Variants in CSMD1 observed in about 807,000 individuals in gnomAD.
CSMD1 encodes the protein CUB and sushi domain-containing protein 1.
CSMD1 carries 213 observed loss-of-function variants against 417.5 expected under a neutral mutation model. That is an observed-to-expected ratio of 0.51 (90% CI 0.46 to 0.57). The LOEUF (loss-of-function observed/expected upper bound fraction) is 0.57, where lower values mean the gene tolerates loss of function less well. CSMD1 is among the 20% of genes least tolerant of loss of function. The probability of loss-of-function intolerance (pLI) is 0.00; values close to 1 mark genes in which losing one functional copy is unlikely to be tolerated. For missense variants in CSMD1, 6,923 were observed against 4,529.7 expected (o/e 1.53, Z -15.17); for synonymous variants, 2,862 against 1,736.8 (o/e 1.65, Z -16.11).
Position 3,520,020 on chromosome 8 carries a change from C to CTATATATATATATATA in CSMD1, c.1345-26310_1345-26295dup, listed in dbSNP as rs33939239. ...TATATATGTGTGTGTGTGTATATAC[C>CTATATATATATATATA]TATATATATATATATATATACACGT... is the stretch of plus-strand genomic sequence containing the variant. On this transcript the variant is annotated intron_variant, in intron 10 of 69. Coordinates refer to ENST00000635120, the MANE Select transcript of CSMD1 (RefSeq NM_033225.6). Among the ~76,000 whole-genome samples, 382 of 137,494 alleles carry CTATATATATATATATA rather than the reference C, an allele frequency of 2.8e-3. 1 individual carries two copies. Among genetic ancestry groups the CTATATATATATATATA allele is most frequent in the African/African-American group, 0.011 (357 of 33,782 alleles). The allele number at this position is 137,494 out of a possible 152,430, so 90.2% of individuals were successfully genotyped here.
intron 7 of CSMD1, among the ~76,000 whole-genome samples, chr8:3,650,447 C>T (rs1229131751): frequency 6.6e-6 from 1 of 152,118 alleles, no homozygotes; most frequent in Non-Finnish European, 1.5e-5. Flanking sequence ...TAGGAAAACT[C>T]ATCGAAGAAC....
chr8:4,442,665 G>T (rs923415448), intron 2 of CSMD1, among the ~76,000 whole-genome samples: 1 of 152,102 alleles, frequency 6.6e-6, no homozygotes, highest in South Asian at 2.1e-4. Flanking sequence ...AAACTTCATT[G>T]ACTTTCCCTT....
intron 3 of CSMD1, among the ~76,000 whole-genome samples, chr8:4,202,372 C>G (rs1291777700): frequency 6.6e-6 from 1 of 152,150 alleles, no homozygotes; most frequent in African/African-American, 2.4e-5. Context: ...ATTCTGCACA[C>G]TTTTTTCTTC....
In CSMD1 at chr8:4,103,554, C is replaced by G. The variant is rs553495050; in HGVS notation, c.416-71455G>C. Among the ~76,000 whole-genome samples, 286 of 151,960 alleles carry G rather than the reference C, an allele frequency of 1.9e-3. 1 individual carries two copies. The highest frequency in any genetic ancestry group is 6.6e-3 in the African/African-American group (274 of 41,488). On this transcript the variant is annotated intron_variant, in intron 3 of 69. Coordinates refer to ENST00000635120, the MANE Select transcript of CSMD1 (RefSeq NM_033225.6). The stretch of plus-strand genomic sequence containing the variant: ...TACACACATGTAAAACTGACTGCAT[C>G]AAAGTTTGATACGATGGATACAAAA...
rs200303143 is a variant in CSMD1 at position 3,204,412 on chromosome 8, AT to A, written c.4984+1091del. On this transcript the variant is annotated intron_variant, in intron 31 of 69. Transcript: ENST00000635120. ...GAGCATTTAGGTAAAAAAAAAAAAA[AT>A]TATTTCATTCAAATTCAGAATTAAG... Among the ~76,000 whole-genome samples, 1,028 of 148,948 alleles carry A rather than the reference AT, an allele frequency of 6.9e-3. 5 individuals are homozygous for A. Among genetic ancestry groups the A allele is most frequent in the South Asian group, 0.025 (116 of 4,674 alleles).
chr8:3,391,040 C>G (rs945236427), intron 17 of CSMD1, among the ~76,000 whole-genome samples: 2 of 152,194 alleles, frequency 1.3e-5, no homozygotes, highest in South Asian at 4.1e-4. Flanking sequence ...CTCATGTATG[C>G]ATCCATGCGT....
intron 36 of CSMD1, among the ~76,000 whole-genome samples, chr8:3,185,546 CTT>C (rs1040657002): frequency 1.5e-4 from 23 of 152,300 alleles, no homozygotes; most frequent in Admixed American, 1.3e-3. Context: ...TTAATACTCT[CTT>C]TTGAAAAATT....
In CSMD1 at chr8:4,143,003, A is replaced by AAAT. The variant is rs34949025; in HGVS notation, c.416-110905_416-110904insATT. On this transcript the variant is annotated intron_variant, in intron 3 of 69. Transcript: ENST00000635120. The stretch of plus-strand genomic sequence containing the variant: ...TTTCAAACTGATTGAAAAAAAAAAA[A>AAAT]TGCTCTCCATTTAGGAACTAGTGTC... 1.2e-3 allele frequency among the ~76,000 whole-genome samples: 174 copies of AAAT among 150,046 alleles called. 11 individuals carry two copies. Among genetic ancestry groups the AAAT allele is most frequent in the Middle Eastern group, 3.4e-3 (1 of 294 alleles).
intron 3 of CSMD1, among the ~76,000 whole-genome samples, chr8:4,052,753 TA>T (rs140798090): frequency 0.043 from 6,463 of 151,218 alleles, 426 homozygotes; most frequent in African/African-American, 0.14. Flanking sequence ...GAACAAGTTT[TA>T]AAAAAAAATG....
chr8:2,987,444 T>C (rs1260875844), intron 54 of CSMD1, among the ~76,000 whole-genome samples: 2 of 148,584 alleles, frequency 1.3e-5, no homozygotes, highest in African/African-American at 2.4e-5. Context: ...ATAAGAAATA[T>C]ATAAAGAAGT....
At chr8:4,185,639 A>G (rs1584980908) in intron 3 of CSMD1, among the ~76,000 whole-genome samples, 1 of 152,224 alleles carries the variant, frequency 6.6e-6, no homozygotes, top group East Asian at 1.9e-4. Flanking sequence ...TAGCTAATGT[A>G]AAAAGTGACA....
intron 1 of CSMD1, among the ~76,000 whole-genome samples, chr8:4,763,841 G>C (rs112080833): frequency 0.01 from 1,550 of 152,208 alleles, 29 homozygotes; most frequent in African/African-American, 0.036. Flanking sequence ...ATTTCCATTT[G>C]AAATATTTTC....
chr8:4,217,180 C>T (rs928853483), intron 3 of CSMD1, among the ~76,000 whole-genome samples: 2 of 152,180 alleles, frequency 1.3e-5, no homozygotes, highest in African/African-American at 4.8e-5. Flanking sequence ...TTTCATGCCG[C>T]TGCTTATCAT....
In CSMD1 at chr8:3,455,990, C is replaced by T. The variant is rs548731955; in HGVS notation, c.1561+12722G>A. On this transcript the variant is annotated intron_variant, in intron 12 of 69. Transcript: ENST00000635120. Reference sequence around the variant, plus strand: ...CGAGCTTCCGGGCTGCTTTGTTTACCTACTCAAGCCTGGGCAATGGTGGGT... The same window carrying T: ...CGAGCTTCCGGGCTGCTTTGTTTACTTACTCAAGCCTGGGCAATGGTGGGT... Among the ~76,000 whole-genome samples, 10 of 152,306 alleles carry T rather than the reference C, an allele frequency of 6.6e-5. No homozygotes were observed. The East Asian group carries it at 1.9e-3, about 30-fold the overall frequency.
chr8:4,073,773 C>G (rs897295245), intron 3 of CSMD1, among the ~76,000 whole-genome samples: 1 of 151,986 alleles, frequency 6.6e-6, no homozygotes, highest in Non-Finnish European at 1.5e-5. Context: ...AAAATGAACC[C>G]AAATACAAAA....
chr8:4,987,703 T>A (rs1811253672), intron 1 of CSMD1, among the ~76,000 whole-genome samples: 1 of 152,140 alleles, frequency 6.6e-6, no homozygotes, highest in Admixed American at 6.5e-5. Flanking sequence ...CAAAAAAGAT[T>A]AACATTTGAG....
chr8:4,900,684 A>G (rs1386227506), intron 1 of CSMD1, among the ~76,000 whole-genome samples: 1 of 152,144 alleles, frequency 6.6e-6, no homozygotes, highest in Non-Finnish European at 1.5e-5. Context: ...AGATTTGCAA[A>G]TGTTGCTGGG....
At chr8:4,375,482 A>C (rs1017809894) in intron 3 of CSMD1, among the ~76,000 whole-genome samples, 3 of 152,122 alleles carry the variant, frequency 2.0e-5, no homozygotes, top group African/African-American at 7.2e-5. Flanking sequence ...AGTCCATCTT[A>C]TGGAGTCTCC....
At chr8:4,037,633 G>A (rs951709065) in intron 3 of CSMD1, among the ~76,000 whole-genome samples, 2 of 151,766 alleles carry the variant, frequency 1.3e-5, no homozygotes, top group Non-Finnish European at 2.9e-5. Flanking sequence ...TATTTATCAG[G>A]TGTGCTTATC....
Sources: allele counts gnomAD v4.1 joint callset (sites outside exome capture counted in the v4.1 genomes callset), GRCh38; gene constraint gnomAD v4.1.1; transcripts MANE v1.5; gene names NCBI Gene and HGNC (gene_info 2026-07-23, HGNC 2026-07-21).